The following SNX24 variants were observed in gnomAD, a reference collection of about 807,000 sequenced individuals.
SNX24 encodes sorting nexin-24.
A neutral mutation model predicts 28.7 loss-of-function variants in SNX24; 22 were observed. The ratio of observed to expected loss-of-function variants is 0.77; its 90% confidence interval spans 0.55 to 1.10. The LOEUF (loss-of-function observed/expected upper bound fraction) is 1.10. SNX24 is among the 50% of genes least tolerant of loss of function. The pLI, the probability that SNX24 is intolerant of heterozygous loss-of-function variation, is 0.00. For missense variants in SNX24, 221 were observed against 201.1 expected, an observed-to-expected ratio of 1.10 and a Z score of -0.60; for synonymous variants, 69 against 71.5, an observed-to-expected ratio of 0.96 and a Z score of 0.18.
At chr5:122,907,811 CT>C (rs1348497105) in intron 1 of SNX24, among the ~76,000 whole-genome samples, 3 of 151,766 alleles carry the variant, frequency 2.0e-5, no homozygotes, top group Non-Finnish European at 4.4e-5. Context: ...AATTAAAAAT[CT>C]ATTGAAACTT....
At chr5:122,854,507 CAAAAAAACAAAAA>C (rs200193319) in intron 1 of SNX24, among the ~76,000 whole-genome samples, 11,105 of 48,574 alleles carry the variant, frequency 0.23, 1,372 homozygotes, top group African/African-American at 0.5. Flanking sequence ...GACTCTGTCT[CAAAAAAACAAAAA>C]AAAAAAACAA....
intron 1 of SNX24, among the ~76,000 whole-genome samples, chr5:122,875,230 T>A (rs748758230): frequency 2.0e-5 from 3 of 152,228 alleles, no homozygotes; most frequent in Non-Finnish European, 2.9e-5. Context: ...TTATTTCTTA[T>A]ATGTGCCCAG....
intron 1 of SNX24, among the ~76,000 whole-genome samples, chr5:122,848,969 T>C (rs1298284977): frequency 1.3e-5 from 2 of 152,220 alleles, no homozygotes; most frequent in South Asian, 2.1e-4. Context: ...AATATTGATA[T>C]GGAGAGGTCT....
chr5:122,852,463 C>G (rs1754969178), intron 1 of SNX24, among the ~76,000 whole-genome samples: 1 of 152,044 alleles, frequency 6.6e-6, no homozygotes, highest in Non-Finnish European at 1.5e-5. Context: ...GCCACCTCAG[C>G]CTCCCAAGTA....
intron 3 of SNX24, among the ~76,000 whole-genome samples, chr5:122,991,332 T>C (rs1378823244): frequency 6.6e-6 from 1 of 152,224 alleles, no homozygotes; most frequent in Non-Finnish European, 1.5e-5. Context: ...GTGGATCAAA[T>C]ATGTATAATA....
intron 1 of SNX24, among the ~76,000 whole-genome samples, chr5:122,875,392 C>G (rs1756179024): frequency 6.6e-6 from 1 of 152,166 alleles, no homozygotes; most frequent in Non-Finnish European, 1.5e-5. Flanking sequence ...ATAGCCCATA[C>G]AAATACACAC....
chr5:123,024,747 G>A (rs573138082), intron 5 of SNX24, among the ~76,000 whole-genome samples: 6 of 152,336 alleles, frequency 3.9e-5, no homozygotes, highest in South Asian at 4.1e-4. Context: ...GAACTGCAGC[G>A]AGCAAGACTG....
At chr5:122,865,638 C>A (rs1468793091) in intron 1 of SNX24, among the ~76,000 whole-genome samples, 1 of 152,186 alleles carries the variant, frequency 6.6e-6, no homozygotes, top group Non-Finnish European at 1.5e-5. Context: ...CGTGCCCAGC[C>A]ACTTGCTTGC....
intron 1 of SNX24, among the ~76,000 whole-genome samples, chr5:122,862,322 A>T (rs1026633750): frequency 2.0e-5 from 3 of 152,174 alleles, no homozygotes; most frequent in African/African-American, 4.8e-5. Context: ...GACAAAAGAA[A>T]AAAAAGAAAG....
intron 3 of SNX24, among the ~76,000 whole-genome samples, chr5:122,951,050 G>A (rs576079258): frequency 1.6e-3 from 250 of 151,936 alleles, no homozygotes; most frequent in Middle Eastern, 3.4e-3. Context: ...GGCGGATCAC[G>A]AGGTCAGGAG....
At chr5:122,996,580 A>G (rs1013838581) in intron 3 of SNX24, among the ~76,000 whole-genome samples, 4 of 152,244 alleles carry the variant, frequency 2.6e-5, no homozygotes, top group Non-Finnish European at 5.9e-5. Context: ...GGAAATTAAT[A>G]CAACAACAAT....
chr5:122,878,007 C>G (rs1031509002), intron 1 of SNX24, among the ~76,000 whole-genome samples: 1 of 152,082 alleles, frequency 6.6e-6, no homozygotes, highest in Admixed American at 6.6e-5. Context: ...CCTGGACTGG[C>G]AAGGTGTTGA....
chr5:122,904,807 G>T (rs1180892645), intron 1 of SNX24, among the ~76,000 whole-genome samples: 2 of 152,010 alleles, frequency 1.3e-5, no homozygotes, highest in Non-Finnish European at 2.9e-5. Context: ...TGTTCTTTTG[G>T]CTTTCACTTA....
At chr5:122,896,985 C>T (rs1485648391) in intron 1 of SNX24, among the ~76,000 whole-genome samples, 1 of 152,206 alleles carries the variant, frequency 6.6e-6, no homozygotes, top group Admixed American at 6.5e-5. Flanking sequence ...GTGTGTCAGT[C>T]TCACGGTGTC....
intron 5 of SNX24, chr5:123,023,835 C>CAG: frequency 1.2e-6 from 2 of 1,608,180 alleles, no homozygotes; most frequent in Non-Finnish European, 1.7e-6. Context: ...CACACACACA[C>CAG]ACCCCTGCCA....
At chr5:122,850,571 G>A (rs952071524) in intron 1 of SNX24, among the ~76,000 whole-genome samples, 2 of 152,162 alleles carry the variant, frequency 1.3e-5, no homozygotes, top group Non-Finnish European at 2.9e-5. Flanking sequence ...AGTGATGACT[G>A]CAGATATCTC....
intron 1 of SNX24, among the ~76,000 whole-genome samples, chr5:122,904,425 C>T (rs780423913): frequency 1.3e-5 from 2 of 152,116 alleles, no homozygotes; most frequent in South Asian, 2.1e-4. Context: ...TCAGGTGATC[C>T]GCCGGCCTCT....
chr5:123,008,556 TAA>T lies in SNX24; in HGVS notation c.*824_*825del, dbSNP rs11407516. 5.5e-4 allele frequency: 75 copies of T among 136,718 alleles called. No homozygotes were observed. The highest frequency in any genetic ancestry group is 6.7e-4 in the African/African-American group (25 of 37,262). The allele number at this position is 136,718 out of a possible 1,614,324, so 8.5% of individuals were successfully genotyped here. On this transcript the variant is annotated 3_prime_UTR_variant, in exon 7 of 7. Transcript: ENST00000261369. ...GGTGTTTGTTTAGGGGCCATTTTGTTAAAAAAAAAAAAAAAAAAGCACATAAC... is the reference window on the plus strand; with the variant it reads ...GGTGTTTGTTTAGGGGCCATTTTGTTAAAAAAAAAAAAAAAAGCACATAAC...
intron 4 of SNX24, among the ~76,000 whole-genome samples, chr5:123,000,995 T>A (rs448505): frequency 6.6e-6 from 1 of 152,174 alleles, no homozygotes. Flanking sequence ...TTTCCACTTA[T>A]TGCATAACAA....
Sources: allele counts gnomAD v4.1 joint callset (sites outside exome capture counted in the v4.1 genomes callset), GRCh38; gene constraint gnomAD v4.1.1; transcripts MANE v1.5; gene names NCBI Gene and HGNC (gene_info 2026-07-23, HGNC 2026-07-21).